ALG14: variants seen among roughly 807,000 people sequenced by gnomAD.
ALG14 encodes ALG14 UDP-N-acetylglucosaminyltransferase subunit.
ALG14 carries 17 observed loss-of-function variants against 22.8 expected under a neutral mutation model. That is an observed-to-expected ratio of 0.75 (90% CI 0.51 to 1.12). The LOEUF (loss-of-function observed/expected upper bound fraction) is 1.12. Among genes scored for constraint, ALG14 ranks in the 50% most tolerant of loss-of-function variants. The probability of loss-of-function intolerance (pLI) is 0.00; values close to 1 mark genes in which losing one functional copy is unlikely to be tolerated. For missense variants in ALG14, 288 were observed against 271.8 expected (o/e 1.06, Z -0.42); for synonymous variants, 89 against 103.7 (o/e 0.86, Z 0.86).
intron 3 of ALG14, among the ~76,000 whole-genome samples, chr1:94,983,808 C>A (rs1409812718): frequency 6.6e-6 from 1 of 150,780 alleles, no homozygotes; most frequent in Non-Finnish European, 1.5e-5. Flanking sequence ...GTGGCGTGAT[C>A]TCGGCTCACT....
At chr1:95,043,614 G>A (rs74101996) in intron 2 of ALG14, among the ~76,000 whole-genome samples, 7,094 of 152,246 alleles carry the variant, frequency 0.047, 222 homozygotes, top group South Asian at 0.083. Flanking sequence ...GTGGCAGGAT[G>A]AGGGAGTGAC....
At chr1:95,062,475 A>T (rs944755940) in intron 2 of ALG14, among the ~76,000 whole-genome samples, 1 of 151,940 alleles carries the variant, frequency 6.6e-6, no homozygotes, top group Non-Finnish European at 1.5e-5. Flanking sequence ...ACAGGCCCCA[A>T]TGTGTGTTGT....
chr1:95,012,046 C>T (rs972564284), intron 3 of ALG14, among the ~76,000 whole-genome samples: 2 of 152,110 alleles, frequency 1.3e-5, no homozygotes, highest in African/African-American at 4.8e-5. Flanking sequence ...CTCACAAGAT[C>T]TGATGATTTT....
At chr1:95,042,139 T>TAGAA (rs1435753502) in intron 2 of ALG14, among the ~76,000 whole-genome samples, 1 of 152,132 alleles carries the variant, frequency 6.6e-6, no homozygotes, top group African/African-American at 2.4e-5. Flanking sequence ...TTTCTAATTG[T>TAGAA]AACTTTAGAA....
chr1:95,051,452 CT>C (rs1557648681), intron 2 of ALG14, among the ~76,000 whole-genome samples: 2 of 152,160 alleles, frequency 1.3e-5, no homozygotes, highest in Non-Finnish European at 2.9e-5. Context: ...CTCTAAACCC[CT>C]CTCCCTGCTT....
Position 94,974,689 on chromosome 1 carries a change from T to C in ALG14, c.*8387A>G, listed in dbSNP as rs928842473. 30 of 152,246 alleles carry C rather than the reference T, an allele frequency of 2.0e-4. No individual in the cohort carries two copies. The highest frequency in any genetic ancestry group is 6.0e-4 in the African/African-American group (25 of 41,466). The allele number at this position is 152,246 out of a possible 1,614,324, so 9.4% of individuals were successfully genotyped here. A position where few individuals can be genotyped will look rare whatever the true frequency, so the allele number is the denominator to read the frequency against. Reference sequence around the variant, plus strand: ...ATATTAAGCGAAAGTACCCAAGCTTTGGAGAAACTGTCTCCTTCTGAAAGG... The same window carrying C: ...ATATTAAGCGAAAGTACCCAAGCTTCGGAGAAACTGTCTCCTTCTGAAAGG... On this transcript the variant is annotated 3_prime_UTR_variant, in exon 4 of 4. Transcript: ENST00000370205.
chr1:95,008,043 A>G (rs1186998035), intron 3 of ALG14, among the ~76,000 whole-genome samples: 1 of 152,206 alleles, frequency 6.6e-6, no homozygotes, highest in Non-Finnish European at 1.5e-5. Context: ...CTGGTATGCT[A>G]GACATCTATT....
intron 2 of ALG14, among the ~76,000 whole-genome samples, chr1:95,064,105 T>G (rs892982573): frequency 6.6e-6 from 1 of 152,210 alleles, no homozygotes; most frequent in Non-Finnish European, 1.5e-5. Context: ...TGTATAGGAA[T>G]GCTAGTGATT....
At chr1:95,031,028 C>A (rs973228395) in intron 2 of ALG14, among the ~76,000 whole-genome samples, 2 of 152,126 alleles carry the variant, frequency 1.3e-5, no homozygotes, top group African/African-American at 4.8e-5. Flanking sequence ...AGTCTCCAGA[C>A]CAGAAGTTTA....
chr1:95,069,997 C>T (rs918490765), intron 1 of ALG14, among the ~76,000 whole-genome samples: 15 of 152,250 alleles, frequency 9.9e-5, no homozygotes, highest in African/African-American at 3.4e-4. Context: ...GCCAGGAGTT[C>T]AAGACCAGTC....
In ALG14 at chr1:94,979,246, T is replaced by A. The variant is rs1355266564; in HGVS notation, c.*3830A>T. On this transcript the variant is annotated 3_prime_UTR_variant, in exon 4 of 4. Coordinates refer to ENST00000370205, the MANE Select transcript of ALG14 (RefSeq NM_144988.4). ...TTACAGTGAGCCAGTAAGGTGAGAT[T>A]GCACCACTGCACTCCAGCCTGGGCG... is the stretch of plus-strand genomic sequence containing the variant. 7.7e-6 allele frequency: 1 copy of A among 130,148 alleles called. No homozygotes were observed. The highest frequency in any genetic ancestry group is 1.5e-5 in the Non-Finnish European group (1 of 65,150). The allele number at this position is 130,148 out of a possible 1,614,324, so 8.1% of individuals were successfully genotyped here.
At chr1:95,060,319 A>G (rs76986054) in intron 2 of ALG14, among the ~76,000 whole-genome samples, 7,017 of 151,154 alleles carry the variant, frequency 0.046, 220 homozygotes, top group South Asian at 0.088. Context: ...TCTCTCTAAC[A>G]GTGGCTGCAT....
chr1:95,064,668 A>C (rs1675292798), intron 2 of ALG14, among the ~76,000 whole-genome samples, 198 bp downstream of exon 2: 1 of 152,108 alleles, frequency 6.6e-6, no homozygotes, highest in South Asian at 2.1e-4. Flanking sequence ...TGATGTGCTA[A>C]GCAACCATTT....
intron 2 of ALG14, among the ~76,000 whole-genome samples, chr1:95,027,762 T>C (rs973777290): frequency 6.6e-6 from 1 of 152,204 alleles, no homozygotes; most frequent in Non-Finnish European, 1.5e-5. Context: ...TATGGGGAAA[T>C]AGACATTTAC....
In ALG14 at chr1:94,983,326, G is replaced by C. The variant is rs758329527; in HGVS notation, c.421-20C>G. On this transcript the variant is annotated intron_variant, in intron 3 of 3. Coordinates refer to ENST00000370205, the MANE Select transcript of ALG14 (RefSeq NM_144988.4). ...CAACACCTGAAAGAAAAAGTTGAAGGTCAAATGAAAATACAGAATAATAAT... is the reference window on the plus strand; with the variant it reads ...CAACACCTGAAAGAAAAAGTTGAAGCTCAAATGAAAATACAGAATAATAAT... The C allele has an allele frequency of 6.3e-7, 1 of 1,599,138 alleles. No individual in the cohort carries two copies.
In ALG14 at chr1:95,027,175, G is replaced by C; in HGVS notation, c.374C>G (p.Ser125Cys). Residue 125 changes from serine (S) to cysteine (C), a missense_variant, in exon 3 of 4, where the codon TCC becomes TGC. By Grantham distance (112) the Ser-to-Cys change is moderately radical (BLOSUM62 -1). Transcript: ENST00000370205. ...WPSTVFTTLH[S>C]MWLSFPLIHR... ...AATTAGGGGAAAGGAGAGCCACATG[G>C]AGTGCAAGGTGGTGAAAACGGTGGA... The C allele has an allele frequency of 1.2e-6, 2 of 1,614,178 alleles. No individual in the cohort carries two copies. The highest frequency in any genetic ancestry group is 1.7e-6 in the Non-Finnish European group (2 of 1,180,014).
At chr1:95,024,725 A>G (rs1175085817) in intron 3 of ALG14, among the ~76,000 whole-genome samples, 1 of 152,230 alleles carries the variant, frequency 6.6e-6, no homozygotes, top group African/African-American at 2.4e-5. Flanking sequence ...TATAAATCCT[A>G]TCACAGAATA....
chr1:95,035,580 G>T (rs1245860145), intron 2 of ALG14, among the ~76,000 whole-genome samples: 1 of 152,196 alleles, frequency 6.6e-6, no homozygotes, highest in East Asian at 1.9e-4. Context: ...GGCTTCTAGT[G>T]TCTGATAGTA....
At chr1:94,986,235 C>T (rs1251956978) in intron 3 of ALG14, among the ~76,000 whole-genome samples, 1 of 152,224 alleles carries the variant, frequency 6.6e-6, no homozygotes, top group East Asian at 1.9e-4. Flanking sequence ...CTCTCTTCCT[C>T]ACTACTCTGT....
Sources: allele counts gnomAD v4.1 joint callset (sites outside exome capture counted in the v4.1 genomes callset), GRCh38; gene constraint gnomAD v4.1.1; transcripts MANE v1.5; gene names NCBI Gene and HGNC (gene_info 2026-07-23, HGNC 2026-07-21).